CLTCL1: variants seen among roughly 807,000 people sequenced by gnomAD.
CLTCL1 encodes the protein clathrin heavy chain like 1, also known as clathrin heavy chain 2.
CLTCL1 carries 159 observed loss-of-function variants against 190.0 expected under a neutral mutation model. The observed-to-expected ratio is 0.84, with a 90% CI of 0.74 to 0.95. CLTCL1 has a LOEUF of 0.95. CLTCL1 is among the 40% of genes least tolerant of loss of function. The pLI, the probability that CLTCL1 is intolerant of heterozygous loss-of-function variation, is 0.00. For synonymous variants in CLTCL1, 752 were observed against 769.6 expected (o/e 0.98, Z 0.38); for missense variants, 1,878 against 2,033.4 (o/e 0.92, Z 1.47).
chr22:19,291,239 G>A (rs781859752), intron 1 of CLTCL1, among the ~76,000 whole-genome samples: 20 of 152,226 alleles, frequency 1.3e-4, no homozygotes, highest in Admixed American at 1.1e-3. Context: ...ACCGCAGGAC[G>A]CCAAGGAGGG....
chr22:19,216,033 A>C, intron 19 of CLTCL1, 78 bp downstream of exon 19: 1 of 1,422,530 alleles, frequency 7.0e-7, no homozygotes, highest in African/African-American at 1.4e-5. Flanking sequence ...AAGCGGTACG[A>C]GATTGTAACA....
At chr22:19,221,311 C>A in intron 17 of CLTCL1, 66 bp downstream of exon 17, 1 of 1,272,824 alleles carries the variant, frequency 7.9e-7, no homozygotes. Flanking sequence ...TCCCCACAGG[C>A]ACACCTTTGA....
chr22:19,219,446 A>G (rs377050740), intron 18 of CLTCL1, among the ~76,000 whole-genome samples: 65 of 149,314 alleles, frequency 4.4e-4, no homozygotes, highest in African/African-American at 1.6e-3. Flanking sequence ...CGGCCTCCCA[A>G]AGTGCTAGGA....
chr22:19,187,621 C>G lies in CLTCL1; in HGVS notation c.4542G>C (p.Leu1514=). Residue 1514 remains leucine (L), a synonymous_variant, in exon 29 of 33, where the codon CTG becomes CTC. Transcript: ENST00000427926. ...GGGCCCACCAGTTATTGCCCTTGTA[C>G]AGATAGGCCGCAATGCACCTGAACT... ...LMEFRCIAAY[L]YKGNNWWAQS... The G allele has an allele frequency of 6.2e-7, 1 of 1,613,624 alleles. No homozygotes were observed. The highest frequency in any genetic ancestry group is 8.5e-7 in the Non-Finnish European group (1 of 1,179,894).
At chr22:19,195,240 C>T (rs1017353000) in intron 26 of CLTCL1, among the ~76,000 whole-genome samples, 3 of 152,194 alleles carry the variant, frequency 2.0e-5, no homozygotes, top group Non-Finnish European at 4.4e-5. Flanking sequence ...GACCTGGCCG[C>T]ACTCCCTCCA....
chr22:19,267,768 AC>A (rs1220205850), intron 2 of CLTCL1, among the ~76,000 whole-genome samples: 2 of 151,992 alleles, frequency 1.3e-5, no homozygotes, highest in African/African-American at 4.8e-5. Flanking sequence ...GGTGGCAGGC[AC>A]CTGTAATCCC....
At chr22:19,190,736 C>G (rs1331715771) in intron 27 of CLTCL1, among the ~76,000 whole-genome samples, 3 of 151,512 alleles carry the variant, frequency 2.0e-5, no homozygotes, top group Non-Finnish European at 4.4e-5. Flanking sequence ...AAAAATGGTG[C>G]TAATCGACTT....
chr22:19,271,278 C>G (rs2087308704), intron 2 of CLTCL1, among the ~76,000 whole-genome samples: 1 of 152,110 alleles, frequency 6.6e-6, no homozygotes, highest in African/African-American at 2.4e-5. Context: ...TTGTAGTTCC[C>G]AGTGTTGGAG....
At chr22:19,184,218 T>C (rs1302968053) in intron 29 of CLTCL1, 5 of 310,462 alleles carry the variant, frequency 1.6e-5, no homozygotes, top group African/African-American at 8.8e-5. Context: ...ATTCCTTCTA[T>C]GGCAGGGGCT....
intron 22 of CLTCL1, among the ~76,000 whole-genome samples, chr22:19,203,650 C>G (rs564493200): frequency 1.6e-4 from 24 of 152,294 alleles, no homozygotes; most frequent in African/African-American, 5.3e-4. Context: ...TCCATCCCCC[C>G]CCAGCCCCAC....
chr22:19,268,231 TTGGAAG>T (rs2087186053), intron 2 of CLTCL1, among the ~76,000 whole-genome samples: 1 of 152,204 alleles, frequency 6.6e-6, no homozygotes, highest in African/African-American at 2.4e-5. Flanking sequence ...AGGGGCCATC[TTGGAAG>T]TGGAGTGTGA....
intron 7 of CLTCL1, among the ~76,000 whole-genome samples, chr22:19,234,177 T>C (rs782204261): frequency 6.8e-4 from 103 of 152,172 alleles, no homozygotes; most frequent in Admixed American, 3.9e-3. Flanking sequence ...GAACAACCAC[T>C]TGATGTATTG....
chr22:19,184,427 C>T (rs553820807), intron 29 of CLTCL1: 17 of 455,140 alleles, frequency 3.7e-5, no homozygotes, highest in South Asian at 1.1e-4. Context: ...CCCCTGAGGA[C>T]GCCCAGTGCC....
chr22:19,180,808 T>G lies in CLTCL1; in HGVS notation c.4828-2A>C. The stretch of plus-strand genomic sequence containing the variant: ...CTCCAAGGCATCCAGTTTGTCCACC[T>G]GCAAGGAGGCAAAAGCACGTGAGCA... On this transcript the variant is annotated splice_acceptor_variant, in intron 30 of 32. Coordinates refer to ENST00000427926, the MANE Select transcript of CLTCL1 (RefSeq NM_007098.4). LOFTEE classifies it high-confidence loss of function. 1 of 1,613,726 alleles carries G rather than the reference T, an allele frequency of 6.2e-7. No homozygotes were observed. The highest frequency in any genetic ancestry group is 8.5e-7 in the Non-Finnish European group (1 of 1,179,768).
intron 27 of CLTCL1, among the ~76,000 whole-genome samples, chr22:19,190,775 CTT>C (rs545585516): frequency 3.5e-5 from 5 of 143,150 alleles, no homozygotes; most frequent in Admixed American, 1.4e-4. Flanking sequence ...AACCTCCAAT[CTT>C]TTTTTTTTTT....
At chr22:19,280,904 A>G (rs1391291540) in intron 1 of CLTCL1, among the ~76,000 whole-genome samples, 2 of 151,908 alleles carry the variant, frequency 1.3e-5, no homozygotes, top group African/African-American at 4.8e-5. Context: ...GAAGAGTCAA[A>G]TCTATAGAGA....
chr22:19,242,947 A>T lies in CLTCL1; in HGVS notation c.520-11T>A, dbSNP rs782227101. On this transcript the variant is annotated splice_polypyrimidine_tract_variant and intron_variant, in intron 3 of 32. Coordinates refer to ENST00000427926, the MANE Select transcript of CLTCL1 (RefSeq NM_007098.4). ...AACCACACGGTTTTGCTAAGAAAAG[A>T]TATTATGCAATGAAAGGGAGAGAAA... 4 of 1,608,322 alleles carry T rather than the reference A, an allele frequency of 2.5e-6. No individual in the cohort carries two copies. The highest frequency in any genetic ancestry group is 3.4e-6 in the Non-Finnish European group (4 of 1,176,004).
chr22:19,258,117 T>G (rs1555973646), intron 2 of CLTCL1: 3 of 402,094 alleles, frequency 7.5e-6, no homozygotes, highest in Non-Finnish European at 1.5e-5. Context: ...GGGCTGTAGA[T>G]GAAGACAAAG....
chr22:19,278,173 G>A (rs2087583200), intron 1 of CLTCL1, among the ~76,000 whole-genome samples: 1 of 152,146 alleles, frequency 6.6e-6, no homozygotes, highest in African/African-American at 2.4e-5. Context: ...CTACACATCA[G>A]CACCACATTA....
Sources: gnomAD v4.1 joint callset for allele counts (sites outside exome capture counted in the v4.1 genomes callset) on GRCh38, gnomAD v4.1.1 for gene constraint, MANE v1.5 for transcripts, NCBI Gene and HGNC (gene_info 2026-07-23, HGNC 2026-07-21) for gene names.